FLNC: variants seen among roughly 807,000 people sequenced by gnomAD.
The protein encoded by FLNC is filamin-C.
FLNC carries 91 observed loss-of-function variants against 254.3 expected under a neutral mutation model. The observed-to-expected ratio is 0.36, with a 90% CI of 0.30 to 0.43. The LOEUF (loss-of-function observed/expected upper bound fraction) is 0.43. FLNC is among the 20% of genes least tolerant of loss of function. The probability of loss-of-function intolerance (pLI) is 1.00; values close to 1 mark genes in which losing one functional copy is unlikely to be tolerated. For missense variants in FLNC, 2,853 were observed against 3,802.6 expected, an observed-to-expected ratio of 0.75 and a Z score of 6.57; for synonymous variants, 1,430 against 1,577.2, an observed-to-expected ratio of 0.91 and a Z score of 2.21.
Position 128,850,051 on chromosome 7 carries a change from C to A in FLNC, c.5275C>A (p.Pro1759Thr), listed in dbSNP as rs892618706. The change falls in exon 31 of 48, where the codon CCC (proline) becomes ACC (threonine). Residue 1759 changes from proline (P) to threonine (T), a missense_variant. Coordinates refer to ENST00000325888, the MANE Select transcript of FLNC (RefSeq NM_001458.5). ...GCGCCAGCCCTACGCTCCTCCCCGG[C>A]CCGGCGCCCGCCCCACACACTGGGT... is the stretch of plus-strand genomic sequence containing the variant. ...QLRQPYAPPR[P>T]GARPTHWATE... 6.5e-7 allele frequency: 1 copy of A among 1,543,600 alleles called. No individual in the cohort carries two copies. The highest frequency in any genetic ancestry group is 8.7e-7 in the Non-Finnish European group (1 of 1,149,856).
rs1401938100 is a variant in FLNC, at chr7:128,856,332, T to C, written c.7252-186T>C. On this transcript the variant is annotated intron_variant, in intron 43 of 47. Coordinates refer to ENST00000325888, the MANE Select transcript of FLNC (RefSeq NM_001458.5). This position sits in a 1 kb window ranked among gnomAD's most constrained non-coding sequence, Gnocchi z 5.9. ...ACAGCTAGGATAGCAGGTGCACACA[T>C]AGGGTTGCATACCGGACCCTGGCTC... 1.3e-5 allele frequency among the ~76,000 whole-genome samples: 2 copies of C among 152,074 alleles called. No individual in the cohort carries two copies. Among genetic ancestry groups the C allele is most frequent in the South Asian group, 2.1e-4 (1 of 4,836 alleles).
Position 128,849,375 on chromosome 7 carries a change from A to G in FLNC, c.4996A>G (p.Ile1666Val), listed in dbSNP as rs1331039820. The stretch of plus-strand genomic sequence containing the variant: ...AATCCAGATTGGGCAGGAGACGGTG[A>G]TCACGGTGGATGCCAAGGCAGCCGG... ...PRIQIGQETV[I>V]TVDAKAAGEG... The change falls in exon 30 of 48, where the codon ATC (isoleucine) becomes GTC (valine). Residue 1666 changes from isoleucine to valine, a missense_variant. Physicochemically the swap from Ile to Val is conservative, Grantham distance 29. This residue lies in a region of FLNC where 258 missense variants were observed against 312.3 expected (regional missense o/e 0.83). Transcript: ENST00000325888. 1 of 1,614,118 alleles carries G rather than the reference A, an allele frequency of 6.2e-7. No individual in the cohort carries two copies. The highest frequency in any genetic ancestry group is 8.5e-7 in the Non-Finnish European group (1 of 1,180,028).
Position 128,840,917 on chromosome 7 carries a change from G to A in FLNC, c.1760G>A (p.Gly587Asp). 2 of 1,611,370 alleles carry A rather than the reference G, an allele frequency of 1.2e-6. No individual in the cohort carries two copies. Among genetic ancestry groups the A allele is most frequent in the Non-Finnish European group, 1.7e-6 (2 of 1,178,860 alleles). The change falls in exon 11 of 48, where the codon GGC becomes GAC. Residue 587 changes from glycine to aspartate, a missense_variant. Gly to Asp is a moderately conservative substitution (Grantham distance 94). Around this residue, in one of 10 missense-constraint regions of FLNC, gnomAD observed 1,573 missense variants for 1,883.5 expected, o/e 0.84. Coordinates refer to ENST00000325888, the MANE Select transcript of FLNC (RefSeq NM_001458.5). ...CCTGGTTTGGAGACTGGCCAGGTGG[G>A]CAAGTCAGCCGATTTTGTGGTGGAA... is the stretch of plus-strand genomic sequence containing the variant. ...WGPGLETGQV[G>D]KSADFVVEAI...
At chr7:128,844,369 G>A (rs1446356034) in intron 20 of FLNC, 103 bp downstream of exon 20, 1 of 1,396,736 alleles carries the variant, frequency 7.2e-7, no homozygotes, top group East Asian at 2.5e-5. Flanking sequence ...GCCTGGAGTG[G>A]GCACAGCCAA....
chr7:128,838,176 G>T, intron 6 of FLNC, 91 bp from the exon 7 acceptor site: 1 of 1,501,140 alleles, frequency 6.7e-7, no homozygotes, highest in South Asian at 1.1e-5. Flanking sequence ...CCAGCTGCCC[G>T]CCTCTCACCC....
At chr7:128,855,600 T>A (rs1468875664) in intron 43 of FLNC, among the ~76,000 whole-genome samples, 1 of 152,196 alleles carries the variant, frequency 6.6e-6, no homozygotes, top group Non-Finnish European at 1.5e-5. Context: ...CCACCTTCTG[T>A]TGTAAGAATG....
chr7:128,858,709 C>T lies in FLNC; in HGVS notation c.*186C>T, dbSNP rs1188545244. 4.8e-6 allele frequency: 3 copies of T among 620,362 alleles called. No individual in the cohort carries two copies. The highest frequency in any genetic ancestry group is 8.7e-6 in the Non-Finnish European group (3 of 344,804). 38.4% of individuals were successfully genotyped at this position (620,362 alleles called of 1,614,324 possible). ...CACCGCGCCCCAGGGGTTGGAGGAC[C>T]TTGTCTGTGTCAGGACAGTGTCCCT... On this transcript the variant is annotated 3_prime_UTR_variant, in exon 48 of 48. Transcript: ENST00000325888. The surrounding 1 kb of genome is among the most constrained non-coding windows in gnomAD (Gnocchi z 6.7).
intron 10 of FLNC, 21 bp downstream of exon 10, chr7:128,840,695 A>G (rs1272205212): frequency 1.2e-6 from 2 of 1,612,652 alleles, no homozygotes; most frequent in African/African-American, 1.3e-5. Context: ...TGCGCCCCCC[A>G]TGCTGTCCTG....
rs1465014466 is a variant in FLNC at position 128,858,310 on chromosome 7, G to C, written c.7991-26G>C. On this transcript the variant is annotated intron_variant, in intron 47 of 47. Transcript: ENST00000325888. The surrounding 1 kb of genome is among the most constrained non-coding windows in gnomAD (Gnocchi z 6.7). ...CACAGTAGGGGACTCCCTGGTGTGAGCCTGTCCCTCTGCCTCCCTCTCCAG... is the reference window on the plus strand; with the variant it reads ...CACAGTAGGGGACTCCCTGGTGTGACCCTGTCCCTCTGCCTCCCTCTCCAG... The C allele has an allele frequency of 7.2e-7, 1 of 1,389,866 alleles. No homozygotes were observed. The highest frequency in any genetic ancestry group is 1.0e-6 in the Non-Finnish European group (1 of 986,276). The allele number at this position is 1,389,866 out of a possible 1,614,324, so 86.1% of individuals were successfully genotyped here.
intron 35 of FLNC, among the ~76,000 whole-genome samples, chr7:128,852,351 G>A (rs1170978954): frequency 6.6e-6 from 1 of 152,240 alleles, no homozygotes; most frequent in East Asian, 1.9e-4. Flanking sequence ...TTCCTTTAGG[G>A]ATTTAGCCCA....
chr7:128,848,434 T>C (rs1419340231), intron 26 of FLNC, 127 bp from the exon 27 acceptor site: 18 of 1,039,704 alleles, frequency 1.7e-5, no homozygotes, highest in African/African-American at 4.7e-5. Flanking sequence ...AACTGGTCCC[T>C]CCTCCCTGCC....
At position 128,830,705 on chromosome 7, in the gene FLNC, C is replaced by G; in HGVS notation, c.68C>G (p.Ser23Cys). 2 of 1,612,950 alleles carry G rather than the reference C, an allele frequency of 1.2e-6. No individual in the cohort carries two copies. Among genetic ancestry groups the G allele is most frequent in the Non-Finnish European group, 1.7e-6 (2 of 1,179,974 alleles). Reference sequence around the variant, plus strand: ...GGCGATGAGACAGACGAGATGCCGTCCACGGAGAAGGACCTGGCGGAGGAC... The same window carrying G: ...GGCGATGAGACAGACGAGATGCCGTGCACGGAGAAGGACCTGGCGGAGGAC... ...GLGDETDEMP[S>C]TEKDLAEDAP... The change falls in exon 1 of 48, where the codon TCC (serine) becomes TGC (cysteine). Residue 23 changes from serine to cysteine, a missense_variant. This residue lies in a region of FLNC where 37 missense variants were observed against 32.7 expected (regional missense o/e 1.13). Coordinates refer to ENST00000325888, the MANE Select transcript of FLNC (RefSeq NM_001458.5).
At position 128,848,616 on chromosome 7, in the gene FLNC, G is replaced by A. The variant is rs774263134; in HGVS notation, c.4636G>A (p.Gly1546Ser). The change falls in exon 27 of 48, where the codon GGC becomes AGC. Residue 1546 changes from glycine to serine, a missense_variant. Coordinates refer to ENST00000325888, the MANE Select transcript of FLNC (RefSeq NM_001458.5). ...AHDASKVRAS[G>S]PGLNASGIPA... is the part of the protein sequence containing the mutation. ...TGATGCCAGCAAGGTGCGGGCCAGC[G>A]GCCCAGGCCTCAACGCCTCTGGCAT... 1.9e-6 allele frequency: 3 copies of A among 1,613,660 alleles called. No homozygotes were observed. Among genetic ancestry groups the A allele is most frequent in the Non-Finnish European group, 2.5e-6 (3 of 1,180,030 alleles).
chr7:128,849,260 G>T, intron 29 of FLNC, 56 bp downstream of exon 29: 1 of 1,614,102 alleles, frequency 6.2e-7, no homozygotes, highest in South Asian at 1.1e-5. Flanking sequence ...GGCGGTAGGG[G>T]GCGGGCAGCG....
rs866207265 is a variant in FLNC at position 128,857,488 on chromosome 7, C to T, written c.7780+152C>T. ...GGTGGGCCTGGCTCTACACAGTACA[C>T]GTTCTGTGGAGTCGGGCATGATCAC... On this transcript the variant is annotated intron_variant, in intron 46 of 47. Coordinates refer to ENST00000325888, the MANE Select transcript of FLNC (RefSeq NM_001458.5). The surrounding 1 kb of genome is among the most constrained non-coding windows in gnomAD (Gnocchi z 4.5). 35 of 626,958 alleles carry T rather than the reference C, an allele frequency of 5.6e-5. No homozygotes were observed. The highest frequency in any genetic ancestry group is 3.3e-4 in the African/African-American group (18 of 53,882). The allele number at this position is 626,958 out of a possible 1,614,324, so 38.8% of individuals were successfully genotyped here. A position where few individuals can be genotyped will look rare whatever the true frequency, so the allele number is the denominator to read the frequency against.
rs1585157340 is a variant in FLNC at position 128,842,368 on chromosome 7, C to T, written c.2259C>T (p.Pro753=). Residue 753 remains proline, a synonymous_variant, in exon 14 of 48, where the codon CCC becomes CCT. Coordinates refer to ENST00000325888, the MANE Select transcript of FLNC (RefSeq NM_001458.5). The surrounding 1 kb of genome is among the most constrained non-coding windows in gnomAD (Gnocchi z 5.4). The part of the protein sequence containing the change: ...SWGGVNVPKS[P]FRVNVGEGSH... The stretch of plus-strand genomic sequence containing the variant: ...GAGGCGTAAACGTGCCCAAGAGCCC[C>T]TTCCGGGTGCGTCCTCCCGGCCTGC... 2.5e-6 allele frequency: 4 copies of T among 1,613,388 alleles called. No homozygotes were observed. Among genetic ancestry groups the T allele is most frequent in the Non-Finnish European group, 3.4e-6 (4 of 1,179,950 alleles).
At chr7:128,853,684 G>A (rs547309366) in intron 38 of FLNC, 31 bp from the exon 39 acceptor site, 1 of 1,613,948 alleles carries the variant, frequency 6.2e-7, no homozygotes, top group Non-Finnish European at 8.5e-7. Context: ...GGGCTCTGAG[G>A]TTCCTGACCC....
chr7:128,858,595 ACAC>A lies in FLNC; in HGVS notation c.*73_*75del, dbSNP rs1206750516. 4 of 1,094,384 alleles carry A rather than the reference ACAC, an allele frequency of 3.7e-6. No individual in the cohort carries two copies. The highest frequency in any genetic ancestry group is 4.2e-6 in the Non-Finnish European group (3 of 718,166). The allele number at this position is 1,094,384 out of a possible 1,614,324, so 67.8% of individuals were successfully genotyped here. ...ACACATTACACACACACACACACACACACAAATGTGCCACACCCAGACACGCAC... is the reference window on the plus strand; with the variant it reads ...ACACATTACACACACACACACACACAAAATGTGCCACACCCAGACACGCAC... On this transcript the variant is annotated 3_prime_UTR_variant, in exon 48 of 48. Coordinates refer to ENST00000325888, the MANE Select transcript of FLNC (RefSeq NM_001458.5). This position sits in a 1 kb window ranked among gnomAD's most constrained non-coding sequence, Gnocchi z 6.7.
At chr7:128,834,285 T>C (rs1286760096) in intron 1 of FLNC, among the ~76,000 whole-genome samples, 1 of 151,292 alleles carries the variant, frequency 6.6e-6, no homozygotes, top group Non-Finnish European at 1.5e-5. Flanking sequence ...GGATATTTCT[T>C]TCTGATTGTT....
Sources: gnomAD v4.1 joint callset for allele counts (sites outside exome capture counted in the v4.1 genomes callset) on GRCh38, gnomAD v4.1.1 for gene constraint, gnomAD v4.1.1 regional missense constraint, Gnocchi (gnomAD v3.1) non-coding constraint, MANE v1.5 for transcripts, NCBI Gene and HGNC (gene_info 2026-07-23, HGNC 2026-07-21) for gene names.